The following XPR1 variants were observed in gnomAD, a reference collection of about 807,000 sequenced individuals.
XPR1 encodes the protein xenotropic and polytropic retrovirus receptor 1, also known as solute carrier family 53 member 1.
A neutral mutation model predicts 87.5 loss-of-function variants in XPR1; 28 were observed. That is an observed-to-expected ratio of 0.32 (90% CI 0.24 to 0.44). XPR1 has a LOEUF of 0.44. Among genes scored for constraint, XPR1 ranks in the 20% least tolerant of loss-of-function variants. The pLI, the probability that XPR1 is intolerant of heterozygous loss-of-function variation, is 1.00. For synonymous variants in XPR1, 300 were observed against 306.1 expected (o/e 0.98, Z 0.21); for missense variants, 559 against 862.3 (o/e 0.65, Z 4.41).
chr1:180,825,350 T>G lies in XPR1; in HGVS notation c.1134+6T>G. The G allele has an allele frequency of 6.2e-7, 1 of 1,607,018 alleles. No homozygotes were observed. Among genetic ancestry groups the G allele is most frequent in the Non-Finnish European group, 8.5e-7 (1 of 1,177,508 alleles). On this transcript the variant is annotated splice_donor_region_variant and intron_variant, in intron 9 of 14. Transcript: ENST00000367590. ...TTTGGCTGCTTAAACTGCTGGTAAGTCCAGAAACTTGTGTACCACTTTTAG... is the reference window on the plus strand; with the variant it reads ...TTTGGCTGCTTAAACTGCTGGTAAGGCCAGAAACTTGTGTACCACTTTTAG...
In XPR1 at chr1:180,824,952, AG is replaced by A. The variant is rs1650772353; in HGVS notation, c.954+10del. ...ATCAACATCTCTTTGAGGTAATCAA[AG>A]CAAGACATAACACCTCATGAATATA... On this transcript the variant is annotated intron_variant, in intron 8 of 14. Coordinates refer to ENST00000367590, the MANE Select transcript of XPR1 (RefSeq NM_004736.4). 6.2e-7 allele frequency: 1 copy of A among 1,612,438 alleles called. No homozygotes were observed. The highest frequency in any genetic ancestry group is 1.3e-5 in the African/African-American group (1 of 74,872).
At chr1:180,813,881 T>C (rs927725088) in intron 7 of XPR1, among the ~76,000 whole-genome samples, 11 of 152,220 alleles carry the variant, frequency 7.2e-5, no homozygotes, top group African/African-American at 2.4e-4. Flanking sequence ...CAATTACTTT[T>C]GCATCAACCT....
chr1:180,662,235 T>C (rs1655803983), intron 1 of XPR1, among the ~76,000 whole-genome samples: 1 of 152,212 alleles, frequency 6.6e-6, no homozygotes, highest in African/African-American at 2.4e-5. Context: ...GAACTTCTTT[T>C]AGCATTTCTT....
At chr1:180,750,384 A>G (rs1050135254) in intron 2 of XPR1, among the ~76,000 whole-genome samples, 3 of 152,190 alleles carry the variant, frequency 2.0e-5, no homozygotes, top group Non-Finnish European at 2.9e-5. Context: ...TTAATATGTT[A>G]CTAATCAGGG....
chr1:180,799,033 G>A (rs1649687790), intron 3 of XPR1, among the ~76,000 whole-genome samples: 1 of 152,118 alleles, frequency 6.6e-6, no homozygotes. Flanking sequence ...CTTTTCCCTT[G>A]GTAATCAGGA....
chr1:180,843,075 A>C (rs1403603123), intron 11 of XPR1, among the ~76,000 whole-genome samples: 3 of 152,180 alleles, frequency 2.0e-5, no homozygotes, highest in African/African-American at 7.2e-5. Flanking sequence ...CCTCAGTAGG[A>C]GCTCAGGGCC....
Position 180,632,056 on chromosome 1 carries a change from T to C in XPR1, c.-146T>C. 1.1e-6 allele frequency: 1 copy of C among 905,918 alleles called. No homozygotes were observed. The highest frequency in any genetic ancestry group is 1.8e-6 in the Non-Finnish European group (1 of 564,906). 56.1% of individuals were successfully genotyped at this position (905,918 alleles called of 1,614,324 possible). The stretch of plus-strand genomic sequence containing the variant: ...AGGAGGAAGATGGCGGGCGGGCTGC[T>C]CTGAAGAGACCTCGGCGGCGGCGGA... On this transcript the variant is annotated 5_prime_UTR_variant, in exon 1 of 15. Coordinates refer to ENST00000367590, the MANE Select transcript of XPR1 (RefSeq NM_004736.4).
chr1:180,751,127 T>C (rs1006415120), intron 2 of XPR1, among the ~76,000 whole-genome samples: 1 of 152,072 alleles, frequency 6.6e-6, no homozygotes, highest in Non-Finnish European at 1.5e-5. Context: ...CTAGTTAAAT[T>C]CACTTACTCT....
chr1:180,761,178 G>A, intron 2 of XPR1, among the ~76,000 whole-genome samples: 1 of 152,112 alleles, frequency 6.6e-6, no homozygotes, highest in African/African-American at 2.4e-5. Flanking sequence ...AGAAAACCTA[G>A]GCAATACCGG....
intron 2 of XPR1, among the ~76,000 whole-genome samples, chr1:180,736,848 C>G (rs1014357717): frequency 6.6e-6 from 1 of 151,984 alleles, no homozygotes; most frequent in Admixed American, 6.6e-5. Flanking sequence ...AGATTTACCC[C>G]CAAGGCTGAG....
At chr1:180,812,972 A>T (rs1198121711) in intron 7 of XPR1, among the ~76,000 whole-genome samples, 2 of 151,630 alleles carry the variant, frequency 1.3e-5, no homozygotes, top group Non-Finnish European at 2.9e-5. Context: ...TGTTTAGTGT[A>T]TAGCAGCCTT....
At chr1:180,785,520 T>G (rs1488601935) in intron 2 of XPR1, among the ~76,000 whole-genome samples, 1 of 152,094 alleles carries the variant, frequency 6.6e-6, no homozygotes, top group African/African-American at 2.4e-5. Flanking sequence ...GGGTAGAATA[T>G]TCATGCTTTA....
chr1:180,714,088 G>A (rs77637803), intron 2 of XPR1, among the ~76,000 whole-genome samples: 5,978 of 152,142 alleles, frequency 0.039, 166 homozygotes, highest in Middle Eastern at 0.095. Flanking sequence ...TATCTTTCAA[G>A]GAATTTGTCT....
At chr1:180,790,171 T>A (rs1189194055) in intron 3 of XPR1, among the ~76,000 whole-genome samples, 2 of 152,126 alleles carry the variant, frequency 1.3e-5, no homozygotes, top group Admixed American at 1.3e-4. Flanking sequence ...TCATCCTTAT[T>A]TATTTTCCTC....
intron 2 of XPR1, among the ~76,000 whole-genome samples, chr1:180,713,282 A>G (rs1399047621): frequency 4.6e-5 from 7 of 152,086 alleles, no homozygotes; most frequent in Non-Finnish European, 8.8e-5. Context: ...TCAATTTCCA[A>G]TTGTTCATTG....
chr1:180,823,476 T>C (rs1650713036), intron 7 of XPR1, among the ~76,000 whole-genome samples: 1 of 152,006 alleles, frequency 6.6e-6, no homozygotes, highest in African/African-American at 2.4e-5. Context: ...CCATTTTAAG[T>C]AGAGGGAACA....
chr1:180,808,147 GATCAATGGACCAGAA>G (rs1256184201), intron 6 of XPR1, among the ~76,000 whole-genome samples: 1 of 152,164 alleles, frequency 6.6e-6, no homozygotes, highest in East Asian at 1.9e-4. Flanking sequence ...GTAGGCAAAT[GATCAATGGACCAGAA>G]TAGAGTGTCC....
At chr1:180,800,012 C>G (rs939969455) in intron 3 of XPR1, among the ~76,000 whole-genome samples, 2 of 152,174 alleles carry the variant, frequency 1.3e-5, no homozygotes, top group African/African-American at 4.8e-5. Flanking sequence ...TTCTGCAGTT[C>G]TATCTTGATA....
chr1:180,760,242 T>C (rs1416585627), intron 2 of XPR1, among the ~76,000 whole-genome samples: 1 of 152,152 alleles, frequency 6.6e-6, no homozygotes, highest in East Asian at 1.9e-4. Context: ...CTATTCAACA[T>C]AGTGTTGGAA....
Sources: allele counts gnomAD v4.1 joint callset (sites outside exome capture counted in the v4.1 genomes callset), GRCh38; gene constraint gnomAD v4.1.1; transcripts MANE v1.5; gene names NCBI Gene and HGNC (gene_info 2026-07-23, HGNC 2026-07-21).